The following RASAL2 variants were observed in gnomAD, a reference collection of about 807,000 sequenced individuals.
The protein encoded by RASAL2 is RAS protein activator like 2.
A neutral mutation model predicts 128.9 loss-of-function variants in RASAL2; 58 were observed. The ratio of observed to expected loss-of-function variants is 0.45; its 90% CI spans 0.36 to 0.56. The LOEUF is 0.56. Among genes scored for constraint, RASAL2 ranks in the 20% least tolerant of loss-of-function variants. RASAL2 has a pLI of 0.00. For synonymous variants in RASAL2, 561 were observed against 580.8 expected, an observed-to-expected ratio of 0.97 and a Z score of 0.49; for missense variants, 1,360 against 1,601.6, an observed-to-expected ratio of 0.85 and a Z score of 2.57.
intron 1 of RASAL2, among the ~76,000 whole-genome samples, chr1:178,227,484 A>G (rs1177742193): frequency 2.6e-5 from 4 of 152,122 alleles, no homozygotes; most frequent in African/African-American, 9.7e-5. Context: ...AAATCCCCTT[A>G]CTACACACTT....
chr1:178,263,782 T>G (rs1019431163), intron 1 of RASAL2, among the ~76,000 whole-genome samples: 5 of 152,176 alleles, frequency 3.3e-5, no homozygotes, highest in African/African-American at 1.2e-4. Context: ...TTTGAATTCC[T>G]GGACTCAAGC....
chr1:178,153,299 TA>T (rs1371976241), intron 1 of RASAL2, among the ~76,000 whole-genome samples: 1 of 152,148 alleles, frequency 6.6e-6, no homozygotes, highest in African/African-American at 2.4e-5. Context: ...AAGATGACTT[TA>T]AAAAAATTAG....
At chr1:178,356,497 A>G (rs1319611990) in intron 3 of RASAL2, among the ~76,000 whole-genome samples, 1 of 152,206 alleles carries the variant, frequency 6.6e-6, no homozygotes, top group African/African-American at 2.4e-5. Context: ...TGACATCATC[A>G]TGTAGTAAAA....
At chr1:178,213,247 T>C (rs889557342) in intron 1 of RASAL2, among the ~76,000 whole-genome samples, 1 of 152,188 alleles carries the variant, frequency 6.6e-6, no homozygotes, top group Admixed American at 6.5e-5. Flanking sequence ...TCTCACTATG[T>C]TGCCCAGGCT....
intron 3 of RASAL2, chr1:178,341,410 C>A (rs932644904): frequency 3.6e-6 from 5 of 1,407,968 alleles, no homozygotes; most frequent in African/African-American, 1.5e-5. Context: ...GGGGTTGGGG[C>A]GAGGATTGAG....
At chr1:178,156,886 A>G (rs1219561357) in intron 1 of RASAL2, among the ~76,000 whole-genome samples, 1 of 152,202 alleles carries the variant, frequency 6.6e-6, no homozygotes, top group Non-Finnish European at 1.5e-5. Context: ...GGTTATGCAT[A>G]AAATCCTCAT....
chr1:178,151,464 T>G (rs1217308854), intron 1 of RASAL2, among the ~76,000 whole-genome samples: 4 of 152,202 alleles, frequency 2.6e-5, no homozygotes, highest in Non-Finnish European at 5.9e-5. Context: ...AACAAGATTA[T>G]GTATTGATCA....
chr1:178,235,860 G>A (rs1664210327), intron 1 of RASAL2, among the ~76,000 whole-genome samples: 1 of 152,068 alleles, frequency 6.6e-6, no homozygotes, highest in Non-Finnish European at 1.5e-5. Flanking sequence ...TGACTAGTTT[G>A]ATTTTCTTAT....
At chr1:178,387,214 T>G (rs1279363731) in intron 3 of RASAL2, among the ~76,000 whole-genome samples, 2 of 152,188 alleles carry the variant, frequency 1.3e-5, no homozygotes, top group African/African-American at 4.8e-5. Context: ...ATTAGGTGAT[T>G]TAGCTTTACC....
Position 178,220,899 on chromosome 1 carries a change from G to A in RASAL2, c.203-62665G>A, listed in dbSNP as rs189429782. ...TATAAACATTCATGTGGAGGTTTTTGTGTGGACATAAGCTTTCAGCTCATT... is the reference window on the plus strand; with the variant it reads ...TATAAACATTCATGTGGAGGTTTTTATGTGGACATAAGCTTTCAGCTCATT... On this transcript the variant is annotated intron_variant, in intron 1 of 17. Coordinates refer to ENST00000367649, the MANE Select transcript of RASAL2 (RefSeq NM_170692.4). Among the ~76,000 whole-genome samples, 369 of 152,330 alleles carry A rather than the reference G, an allele frequency of 2.4e-3. 1 individual carries two copies. Among genetic ancestry groups the A allele is most frequent in the African/African-American group, 8.6e-3 (358 of 41,572 alleles).
At chr1:178,132,276 C>G (rs553167495) in intron 1 of RASAL2, among the ~76,000 whole-genome samples, 2 of 150,208 alleles carry the variant, frequency 1.3e-5, no homozygotes, top group South Asian at 4.2e-4. Flanking sequence ...AGGCTGTTCT[C>G]GAGCTCTTGG....
chr1:178,292,727 GTAGAGAAGAC>G (rs1667337638), intron 2 of RASAL2, among the ~76,000 whole-genome samples: 1 of 152,164 alleles, frequency 6.6e-6, no homozygotes, highest in Non-Finnish European at 1.5e-5. Context: ...GAGGGAAATG[GTAGAGAAGAC>G]AAACATGAAC....
At position 178,094,124 on chromosome 1, in the gene RASAL2, G is replaced by A. The variant is rs1658567687; in HGVS notation, c.-369G>A. ...CAGCCAGAGCCTGGTCTGACCGCGA[G>A]AGACGCCGGCGGGGCTGAAGAAGGC... On this transcript the variant is annotated 5_prime_UTR_variant, in exon 1 of 18. Transcript: ENST00000367649. The A allele has an allele frequency of 3.8e-6, 1 of 264,564 alleles. No individual in the cohort carries two copies. 16.4% of individuals were successfully genotyped at this position (264,564 alleles called of 1,614,324 possible).
At chr1:178,410,791 A>G (rs1674315521) in intron 4 of RASAL2, among the ~76,000 whole-genome samples, 1 of 152,212 alleles carries the variant, frequency 6.6e-6, no homozygotes, top group Non-Finnish European at 1.5e-5. Context: ...ACTAATTATC[A>G]GGGAAATGCA....
chr1:178,389,342 G>A (rs1213459429), intron 3 of RASAL2: 6 of 809,892 alleles, frequency 7.4e-6, no homozygotes, highest in Admixed American at 6.2e-5. Context: ...CTGTGTGTGC[G>A]TGTGTATGCA....
chr1:178,204,984 T>C (rs1662990231), intron 1 of RASAL2, among the ~76,000 whole-genome samples: 1 of 152,178 alleles, frequency 6.6e-6, no homozygotes, highest in African/African-American at 2.4e-5. Flanking sequence ...GAAAATATCA[T>C]CTGGTGTCAA....
At chr1:178,141,193 CTTTTTTTTTTTTTTTT>C (rs71297900) in intron 1 of RASAL2, among the ~76,000 whole-genome samples, 1 of 73,936 alleles carries the variant, frequency 1.4e-5, no homozygotes, top group Non-Finnish European at 2.4e-5. Flanking sequence ...CTTTTCTTTT[CTTTTTTTTTTTTTTTT>C]TTTTTTTTTG....
At chr1:178,287,004 C>A (rs181005080) in intron 2 of RASAL2, among the ~76,000 whole-genome samples, 37 of 152,192 alleles carry the variant, frequency 2.4e-4, no homozygotes, top group Admixed American at 5.9e-4. Flanking sequence ...CTTCTGAGAC[C>A]TAGGACCCAT....
In RASAL2 at chr1:178,457,977, C is replaced by G; in HGVS notation, c.2685C>G (p.Ser895Arg). ...ASIKQLRETQ[S>R]TPQSAPQVRR... ...TCAAACAGCTGCGGGAAACCCAGAG[C>G]ACTCCCCAAAGTGCACCCCAAGTGA... The change falls in exon 14 of 18, where the codon AGC (serine) becomes AGG (arginine). Residue 895 changes from serine to arginine, a missense_variant. This residue lies in a region of RASAL2 where 741 missense variants were observed against 868.6 expected (regional missense o/e 0.85). Transcript: ENST00000367649. The G allele has an allele frequency of 6.2e-7, 1 of 1,614,100 alleles. No homozygotes were observed. The highest frequency in any genetic ancestry group is 8.5e-7 in the Non-Finnish European group (1 of 1,180,022).
Sources: allele counts gnomAD v4.1 joint callset (sites outside exome capture counted in the v4.1 genomes callset), GRCh38; gene constraint gnomAD v4.1.1; regional missense constraint gnomAD v4.1.1; transcripts MANE v1.5; gene names NCBI Gene and HGNC (gene_info 2026-07-23, HGNC 2026-07-21).